The following OTOF variants were observed in gnomAD, a reference collection of about 807,000 sequenced individuals.
OTOF encodes the protein otoferlin.
Under a neutral mutation model 236.8 loss-of-function variants are expected in OTOF, and 218 were observed. The observed-to-expected ratio is 0.92, with a 90% CI of 0.82 to 1.03. The LOEUF (loss-of-function observed/expected upper bound fraction) is 1.03. OTOF is among the 50% of genes least tolerant of loss of function. The pLI is 0.00. For synonymous variants in OTOF, 1,041 were observed against 1,072.5 expected (o/e 0.97, Z 0.57); for missense variants, 2,590 against 2,694.4 (o/e 0.96, Z 0.86).
intron 9 of OTOF, among the ~76,000 whole-genome samples, chr2:26,490,076 G>A (rs1484690679): frequency 2.6e-5 from 4 of 152,190 alleles, no homozygotes; most frequent in South Asian, 4.1e-4. Context: ...TCTAGTCCCC[G>A]CTCTGCACCT....
chr2:26,551,890 A>G (rs1362758100), intron 1 of OTOF, among the ~76,000 whole-genome samples: 2 of 152,152 alleles, frequency 1.3e-5, no homozygotes, highest in Non-Finnish European at 2.9e-5. Flanking sequence ...ATAACTGTGT[A>G]CTGAATATTT....
intron 22 of OTOF, 116 bp from the exon 23 acceptor site, chr2:26,476,433 T>G: frequency 1.0e-6 from 1 of 990,530 alleles, no homozygotes; most frequent in Non-Finnish European, 1.5e-6. Flanking sequence ...TTCACAGCCA[T>G]CCCGCTGGGC....
rs571755438 is a variant in OTOF at position 26,536,642 on chromosome 2, G to A, written c.138+1074C>T. Among the ~76,000 whole-genome samples, 24 of 152,272 alleles carry A rather than the reference G, an allele frequency of 1.6e-4. No homozygotes were observed. The South Asian group carries it at 3.1e-3, about 20-fold the overall frequency. ...GTGTCAGCCTGGTGGCTGCTCAGCC[G>A]AACGCCAGCAGCCAACCTCAAGAGG... On this transcript the variant is annotated intron_variant, in intron 2 of 46. Transcript: ENST00000272371.
At chr2:26,464,664 GC>G (rs1246082878) in intron 39 of OTOF, among the ~76,000 whole-genome samples, 2 of 152,280 alleles carry the variant, frequency 1.3e-5, no homozygotes, top group East Asian at 3.9e-4. Context: ...AGCAGGTGGG[GC>G]TGCCCTGTAG....
chr2:26,472,324 C>A (rs1043618304), intron 30 of OTOF, 195 bp downstream of exon 30: 2 of 676,736 alleles, frequency 3.0e-6, no homozygotes, highest in East Asian at 5.5e-5. Context: ...ACATACCACA[C>A]GCACGCGTGT....
intron 14 of OTOF, among the ~76,000 whole-genome samples, chr2:26,481,322 A>G (rs1474998683): frequency 6.6e-6 from 1 of 152,218 alleles, no homozygotes; most frequent in African/African-American, 2.4e-5. Context: ...CCAAGTCCGC[A>G]GCATGACCTT....
At chr2:26,549,049 T>C (rs1209488621) in intron 1 of OTOF, among the ~76,000 whole-genome samples, 1 of 152,236 alleles carries the variant, frequency 6.6e-6, no homozygotes, top group Admixed American at 6.5e-5. Context: ...TTTTCTGCTG[T>C]AAGTACTTAA....
At chr2:26,492,241 A>G (rs1203743089) in intron 9 of OTOF, among the ~76,000 whole-genome samples, 2 of 152,102 alleles carry the variant, frequency 1.3e-5, no homozygotes, top group Non-Finnish European at 2.9e-5. Context: ...AACTAAGGGG[A>G]GTTGCTATTG....
At position 26,466,246 on chromosome 2, in the gene OTOF, C is replaced by A. The variant is rs529603399; in HGVS notation, c.4501-170G>T. 1.2e-5 allele frequency: 9 copies of A among 735,102 alleles called. No homozygotes were observed. In the African/African-American group the frequency reaches 1.4e-4, roughly 11 times the overall value. 45.5% of individuals were successfully genotyped at this position (735,102 alleles called of 1,614,324 possible). ...AGGCAAGTGGCTACCCCTCTCTGGG[C>A]GTTGACTTCTTCCTCTAGAAAAGAT... On this transcript the variant is annotated intron_variant, in intron 36 of 46. Coordinates refer to ENST00000272371, the MANE Select transcript of OTOF (RefSeq NM_194248.3).
chr2:26,548,615 G>A (rs1377465715), intron 1 of OTOF, among the ~76,000 whole-genome samples: 1 of 152,208 alleles, frequency 6.6e-6, no homozygotes. Context: ...ATATACAACA[G>A]TGGTCCCATA....
chr2:26,459,280 C>T (rs963162638), intron 46 of OTOF, among the ~76,000 whole-genome samples: 1 of 152,104 alleles, frequency 6.6e-6, no homozygotes, highest in Non-Finnish European at 1.5e-5. Flanking sequence ...CGGCTGGGCG[C>T]GGTGGCTCAC....
chr2:26,532,504 G>T (rs1346601410), intron 2 of OTOF, among the ~76,000 whole-genome samples: 4 of 152,210 alleles, frequency 2.6e-5, no homozygotes, highest in African/African-American at 9.7e-5. Context: ...CAGGCTCTGT[G>T]CATGACGCTG....
intron 4 of OTOF, among the ~76,000 whole-genome samples, chr2:26,517,142 T>C (rs1666552772): frequency 6.6e-6 from 1 of 152,172 alleles, no homozygotes; most frequent in South Asian, 2.1e-4. Flanking sequence ...GGAGCTGCCC[T>C]AGGGTTTTCC....
At chr2:26,529,250 G>C (rs1051200902) in intron 2 of OTOF, among the ~76,000 whole-genome samples, 18 of 152,208 alleles carry the variant, frequency 1.2e-4, no homozygotes, top group African/African-American at 4.1e-4. Flanking sequence ...GACCGTGTCA[G>C]GGAGGATTTT....
In OTOF at chr2:26,473,084, C is replaced by CT. The variant is rs1431785107; in HGVS notation, c.3733+47dup. ...CTGGGCGGAGACCTGGAGCCCTTCC[C>CT]TGGGGGGCGTGGAGCCAGGCTTGGT... On this transcript the variant is annotated intron_variant, in intron 29 of 46. Transcript: ENST00000272371. This position sits in a 1 kb window ranked among gnomAD's most constrained non-coding sequence, Gnocchi z 7.2. The CT allele has an allele frequency of 6.3e-7, 1 of 1,585,360 alleles. No homozygotes were observed. Among genetic ancestry groups the CT allele is most frequent in the African/African-American group, 1.3e-5 (1 of 74,572 alleles).
At chr2:26,496,245 T>C (rs1665981065) in intron 8 of OTOF, among the ~76,000 whole-genome samples, 1 of 151,572 alleles carries the variant, frequency 6.6e-6, no homozygotes, top group Admixed American at 6.6e-5. Context: ...GGCTTTTTTT[T>C]TTTTTTCACA....
At chr2:26,487,361 C>T (rs1308347272) in intron 11 of OTOF, among the ~76,000 whole-genome samples, 1 of 152,184 alleles carries the variant, frequency 6.6e-6, no homozygotes, top group African/African-American at 2.4e-5. Flanking sequence ...GGGCACCAGG[C>T]TCAGGGCTGG....
At chr2:26,558,364 G>C (rs539875595) in intron 1 of OTOF, 129 bp downstream of exon 1, 78 of 797,786 alleles carry the variant, frequency 9.8e-5, no homozygotes, top group Middle Eastern at 6.8e-4. Flanking sequence ...GAAAAGGCTC[G>C]TCGCCCCAGC....
At chr2:26,523,196 G>T (rs1666721875) in intron 3 of OTOF, among the ~76,000 whole-genome samples, 1 of 152,252 alleles carries the variant, frequency 6.6e-6, no homozygotes, top group Admixed American at 6.5e-5. Flanking sequence ...ACCCTCAGAG[G>T]TCCCGGACAG....
Sources: allele counts gnomAD v4.1 joint callset (sites outside exome capture counted in the v4.1 genomes callset), GRCh38; gene constraint gnomAD v4.1.1; non-coding constraint Gnocchi (gnomAD v3.1); transcripts MANE v1.5; gene names NCBI Gene and HGNC (gene_info 2026-07-23, HGNC 2026-07-21).